The following DCLK1 variants were observed in gnomAD, a reference collection of about 807,000 sequenced individuals.
The protein encoded by DCLK1 is doublecortin like kinase 1.
A neutral mutation model predicts 86.2 loss-of-function variants in DCLK1; 16 were observed. The ratio of observed to expected loss-of-function variants is 0.19; its 90% CI spans 0.13 to 0.28. The LOEUF (loss-of-function observed/expected upper bound fraction) is 0.28. Among genes scored for constraint, DCLK1 ranks in the 10% least tolerant of loss-of-function variants. DCLK1 has a pLI of 1.00. For synonymous variants in DCLK1, 369 were observed against 370.5 expected (o/e 1.00, Z 0.05); for missense variants, 590 against 940.2 (o/e 0.63, Z 4.87).
At chr13:35,835,048 C>T (rs977390687) in intron 8 of DCLK1, among the ~76,000 whole-genome samples, 2 of 152,112 alleles carry the variant, frequency 1.3e-5, no homozygotes, top group South Asian at 4.1e-4. Context: ...ATGGCAGGAA[C>T]CTGTGCTTCT....
At chr13:35,938,956 GA>G (rs1225073898) in intron 4 of DCLK1, among the ~76,000 whole-genome samples, 1 of 152,200 alleles carries the variant, frequency 6.6e-6, no homozygotes, top group East Asian at 1.9e-4. Context: ...TTTCTAAGTA[GA>G]AAATTATCTA....
intron 14 of DCLK1, among the ~76,000 whole-genome samples, chr13:35,807,434 C>T (rs1015338069): frequency 1.3e-5 from 2 of 152,200 alleles, no homozygotes; most frequent in Non-Finnish European, 2.9e-5. Flanking sequence ...CAACTTAAAT[C>T]ATAGCTTCCC....
chr13:36,013,528 G>T (rs1421271374), intron 3 of DCLK1, among the ~76,000 whole-genome samples: 5 of 152,164 alleles, frequency 3.3e-5, no homozygotes, highest in African/African-American at 7.2e-5. Flanking sequence ...GTGCCTCCCA[G>T]TTAGGCTGCT....
chr13:35,861,115 C>T (rs1288795516), intron 5 of DCLK1, among the ~76,000 whole-genome samples: 1 of 151,984 alleles, frequency 6.6e-6, no homozygotes, highest in African/African-American at 2.4e-5. Context: ...CATTGGTGCC[C>T]AGGGCAGATG....
chr13:35,900,828 C>T (rs751049152), intron 4 of DCLK1, among the ~76,000 whole-genome samples: 12 of 151,980 alleles, frequency 7.9e-5, no homozygotes, highest in Non-Finnish European at 1.5e-4. Context: ...TGAGAAGGGC[C>T]GGATTATAGA....
intron 8 of DCLK1, among the ~76,000 whole-genome samples, chr13:35,829,970 G>C (rs1356082259): frequency 6.6e-6 from 1 of 152,222 alleles, no homozygotes; most frequent in Non-Finnish European, 1.5e-5. Context: ...TGTGAGCCAG[G>C]CTGTGGCTAA....
intron 3 of DCLK1, among the ~76,000 whole-genome samples, chr13:35,991,133 C>T (rs1385080560): frequency 6.6e-6 from 1 of 152,102 alleles, no homozygotes; most frequent in Non-Finnish European, 1.5e-5. Context: ...GGTCATAAGA[C>T]CCTCATGGGA....
intron 3 of DCLK1, among the ~76,000 whole-genome samples, chr13:36,087,402 A>G (rs1884646444): frequency 6.6e-6 from 1 of 152,218 alleles, no homozygotes; most frequent in South Asian, 2.1e-4. Context: ...AAAAGGAAAA[A>G]TAAACCCTTG....
Position 35,815,517 on chromosome 13 carries a change from T to C in DCLK1, c.1555-4549A>G, listed in dbSNP as rs141111551. 3.0e-3 allele frequency among the ~76,000 whole-genome samples: 460 copies of C among 152,212 alleles called. 1 individual carries two copies. Among genetic ancestry groups the C allele is most frequent in the Non-Finnish European group, 4.5e-3 (307 of 68,020 alleles). ...ACTGAAAACTATTTCACAGAGGAGC[T>C]CAGTAGGAACTAAAAATTATTTCAC... On this transcript the variant is annotated intron_variant, in intron 11 of 16. Transcript: ENST00000360631.
At chr13:35,896,511 C>T (rs894884410) in intron 4 of DCLK1, among the ~76,000 whole-genome samples, 3 of 106,950 alleles carry the variant, frequency 2.8e-5, no homozygotes, top group East Asian at 5.9e-4. Flanking sequence ...GCACCCCAGC[C>T]GGGGCAACAA....
intron 3 of DCLK1, among the ~76,000 whole-genome samples, chr13:36,094,747 G>A (rs888106501): frequency 1.3e-5 from 2 of 152,194 alleles, no homozygotes; most frequent in Admixed American, 6.5e-5. Context: ...ATGATGAAGA[G>A]CCCTGGAGAG....
intron 4 of DCLK1, among the ~76,000 whole-genome samples, chr13:35,894,703 T>C (rs1873846956): frequency 6.6e-6 from 1 of 152,148 alleles, no homozygotes; most frequent in African/African-American, 2.4e-5. Context: ...ACACTTCAGC[T>C]CTTCCTTGTT....
chr13:36,065,969 T>G (rs990500759), intron 3 of DCLK1, among the ~76,000 whole-genome samples: 5 of 151,866 alleles, frequency 3.3e-5, no homozygotes, highest in African/African-American at 1.2e-4. Flanking sequence ...ATTATGGCTG[T>G]TTTTTTTATT....
At chr13:36,123,283 A>T (rs1448215645) in intron 2 of DCLK1, among the ~76,000 whole-genome samples, 3 of 152,224 alleles carry the variant, frequency 2.0e-5, no homozygotes, top group African/African-American at 7.2e-5. Context: ...AATCTAAATG[A>T]ATTTCCAGCT....
intron 3 of DCLK1, among the ~76,000 whole-genome samples, chr13:35,986,218 T>C (rs6563274): frequency 0.7 from 105,194 of 149,298 alleles, 37,505 homozygotes; most frequent in Admixed American, 0.77. Context: ...AGGAGAATCG[T>C]TTGAACCTGG....
intron 4 of DCLK1, among the ~76,000 whole-genome samples, chr13:35,923,798 C>T (rs1483889334): frequency 6.6e-6 from 1 of 152,002 alleles, no homozygotes; most frequent in East Asian, 1.9e-4. Context: ...TGAAGAATGC[C>T]CTTGAAGGAC....
At chr13:35,974,478 T>G (rs1169387467) in intron 3 of DCLK1, among the ~76,000 whole-genome samples, 1 of 152,156 alleles carries the variant, frequency 6.6e-6, no homozygotes, top group East Asian at 1.9e-4. Context: ...CGAATTGTAA[T>G]CCCCAATTTT....
chr13:35,839,228 T>C, intron 6 of DCLK1, 52 bp from the exon 7 acceptor site: 1 of 1,490,328 alleles, frequency 6.7e-7, no homozygotes, highest in South Asian at 1.2e-5. Context: ...AATGCCTGAG[T>C]TTCCAGGGAC....
At chr13:36,086,909 C>T (rs764534713) in intron 3 of DCLK1, among the ~76,000 whole-genome samples, 72 of 152,150 alleles carry the variant, frequency 4.7e-4, no homozygotes, top group Middle Eastern at 3.4e-3. Flanking sequence ...TTTGCTATTG[C>T]GAATAGTGCT....
Sources: gnomAD v4.1 joint callset for allele counts (sites outside exome capture counted in the v4.1 genomes callset) on GRCh38, gnomAD v4.1.1 for gene constraint, MANE v1.5 for transcripts, NCBI Gene and HGNC (gene_info 2026-07-23, HGNC 2026-07-21) for gene names.